The following NLGN1 variants were observed in gnomAD, a reference collection of about 807,000 sequenced individuals.
NLGN1 encodes neuroligin-1.
NLGN1 carries 12 observed loss-of-function variants against 65.5 expected under a neutral mutation model. That is an observed-to-expected ratio of 0.18 (90% CI 0.12 to 0.30). NLGN1 has a LOEUF of 0.30. Ranked by LOEUF, NLGN1 falls within the 10% of genes least tolerant of loss-of-function variation. NLGN1 has a pLI of 1.00. For synonymous variants in NLGN1, 350 were observed against 359.5 expected (o/e 0.97, Z 0.30); for missense variants, 750 against 1,007.1 (o/e 0.74, Z 3.46).
intron 2 of NLGN1, among the ~76,000 whole-genome samples, chr3:173,439,343 G>T (rs1043065469): frequency 1.2e-4 from 18 of 152,046 alleles, no homozygotes; most frequent in African/African-American, 4.3e-4. Flanking sequence ...ATGGATGAAT[G>T]GGAGCCAAAT....
chr3:174,270,859 A>G (rs1749267303), intron 4 of NLGN1, among the ~76,000 whole-genome samples: 1 of 151,924 alleles, frequency 6.6e-6, no homozygotes, highest in African/African-American at 2.4e-5. Context: ...TTTTATTTCC[A>G]CAGTTTTAAA....
intron 2 of NLGN1, among the ~76,000 whole-genome samples, chr3:173,462,502 C>T (rs1723576049): frequency 6.6e-6 from 1 of 152,098 alleles, no homozygotes; most frequent in South Asian, 2.1e-4. Flanking sequence ...GGCTCTCTCT[C>T]TTTTTGCGTG....
At chr3:173,593,750 C>T (rs969019275) in intron 2 of NLGN1, among the ~76,000 whole-genome samples, 1 of 152,118 alleles carries the variant, frequency 6.6e-6, no homozygotes, top group Admixed American at 6.5e-5. Context: ...GATAAAGACA[C>T]ACCCAAGACT....
At position 173,973,965 on chromosome 3, in the gene NLGN1, G is replaced by A. The variant is rs78808566; in HGVS notation, c.646+166133G>A. Among the ~76,000 whole-genome samples, 367 of 152,058 alleles carry A rather than the reference G, an allele frequency of 2.4e-3. 2 individuals are homozygous for A. Among genetic ancestry groups the A allele is most frequent in the African/African-American group, 8.5e-3 (351 of 41,500 alleles). On this transcript the variant is annotated intron_variant, in intron 4 of 6. Coordinates refer to ENST00000457714, the Ensembl canonical transcript of NLGN1. The stretch of plus-strand genomic sequence containing the variant: ...CCCTATTCTAATTGCTTTGATGCAT[G>A]GGCTAGCAGGATAATTGATTGACAC...
At chr3:173,448,301 C>A (rs1720773582) in intron 2 of NLGN1, among the ~76,000 whole-genome samples, 1 of 152,140 alleles carries the variant, frequency 6.6e-6, no homozygotes, top group African/African-American at 2.4e-5. Flanking sequence ...AAGGCCTTTT[C>A]TGCATCTATT....
intron 4 of NLGN1, among the ~76,000 whole-genome samples, chr3:174,074,044 T>G (rs1475136383): frequency 6.6e-6 from 1 of 152,120 alleles, no homozygotes; most frequent in African/African-American, 2.4e-5. Flanking sequence ...TCTGTTACAG[T>G]ATGCAGGAAG....
chr3:173,745,109 C>T (rs28373761), intron 3 of NLGN1, among the ~76,000 whole-genome samples: 3,241 of 152,122 alleles, frequency 0.021, 118 homozygotes, highest in African/African-American at 0.075. Flanking sequence ...AGCACAATGG[C>T]AGTTGTTTTC....
chr3:173,826,366 C>G (rs1395336896), intron 4 of NLGN1, among the ~76,000 whole-genome samples: 1 of 152,088 alleles, frequency 6.6e-6, no homozygotes, highest in African/African-American at 2.4e-5. Context: ...TTGCCTCAAC[C>G]CAAAGGAACC....
intron 4 of NLGN1, among the ~76,000 whole-genome samples, chr3:174,254,235 C>T (rs904297667): frequency 2.0e-5 from 3 of 151,692 alleles, no homozygotes; most frequent in Admixed American, 1.3e-4. Flanking sequence ...ACCATATGGC[C>T]CTAATATAGG....
intron 3 of NLGN1, among the ~76,000 whole-genome samples, chr3:173,630,868 G>T (rs749497190): frequency 6.6e-6 from 1 of 152,090 alleles, no homozygotes; most frequent in Non-Finnish European, 1.5e-5. Context: ...ATTGAAATTT[G>T]GAAAAAGAGA....
At chr3:173,770,048 C>T (rs913922186) in intron 3 of NLGN1, among the ~76,000 whole-genome samples, 5 of 152,168 alleles carry the variant, frequency 3.3e-5, no homozygotes, top group African/African-American at 9.6e-5. Flanking sequence ...AGTTTGGAAA[C>T]GGTCCTCTTC....
At chr3:173,482,810 A>G (rs140428577) in intron 2 of NLGN1, among the ~76,000 whole-genome samples, 58 of 152,152 alleles carry the variant, frequency 3.8e-4, no homozygotes, top group Middle Eastern at 6.8e-3. Context: ...CTGAATGCCT[A>G]AAACTGTAGG....
intron 2 of NLGN1, among the ~76,000 whole-genome samples, chr3:173,590,717 T>TC (rs1252620938): frequency 1.3e-5 from 2 of 152,166 alleles, no homozygotes; most frequent in African/African-American, 4.8e-5. Flanking sequence ...AAATGTATAA[T>TC]CAGTAGTTAT....
chr3:173,515,474 G>A (rs1451187891), intron 2 of NLGN1, among the ~76,000 whole-genome samples: 1 of 152,066 alleles, frequency 6.6e-6, no homozygotes, highest in Non-Finnish European at 1.5e-5. Flanking sequence ...TTGATTTGCA[G>A]AAGATTTTTA....
chr3:173,836,483 ACTTTT>A (rs753720120), intron 4 of NLGN1, among the ~76,000 whole-genome samples: 29 of 152,166 alleles, frequency 1.9e-4, no homozygotes, highest in Non-Finnish European at 8.8e-5. Context: ...GGATTTTGTA[ACTTTT>A]CTTTTAAGAG....
At chr3:173,847,221 T>C (rs1560485385) in intron 4 of NLGN1, among the ~76,000 whole-genome samples, 5 of 152,176 alleles carry the variant, frequency 3.3e-5, no homozygotes, top group South Asian at 2.1e-4. Flanking sequence ...AATACTGCAA[T>C]GAGAAGCTTG....
At chr3:174,030,596 G>A (rs1403444369) in intron 4 of NLGN1, among the ~76,000 whole-genome samples, 1 of 152,178 alleles carries the variant, frequency 6.6e-6, no homozygotes, top group Non-Finnish European at 1.5e-5. Flanking sequence ...TCTGGTTAAA[G>A]ATGACAGATT....
chr3:173,806,186 C>T (rs1200672780), intron 3 of NLGN1, among the ~76,000 whole-genome samples: 5 of 152,076 alleles, frequency 3.3e-5, no homozygotes, highest in African/African-American at 9.7e-5. Flanking sequence ...TTCCCCAACT[C>T]GAAAATCTGG....
intron 3 of NLGN1, among the ~76,000 whole-genome samples, chr3:173,762,965 TAC>T (rs111427276): frequency 0.021 from 3,012 of 143,290 alleles, 77 homozygotes; most frequent in African/African-American, 0.06. Flanking sequence ...TTGTCTCTGA[TAC>T]ACACACACAC....
Sources: gnomAD v4.1 joint callset for allele counts (sites outside exome capture counted in the v4.1 genomes callset) on GRCh38, gnomAD v4.1.1 for gene constraint, MANE v1.5 for transcripts, NCBI Gene and HGNC (gene_info 2026-07-23, HGNC 2026-07-21) for gene names.